ZNF112: variants seen among roughly 807,000 people sequenced by gnomAD.
ZNF112 encodes the protein zinc finger protein 112 (Y14).
ZNF112 carries 37 observed loss-of-function variants against 77.7 expected under a neutral mutation model. The observed-to-expected ratio is 0.48, with a 90% CI of 0.37 to 0.63. The LOEUF (loss-of-function observed/expected upper bound fraction) is 0.63. Ranked by LOEUF, ZNF112 falls within the 20% of genes least tolerant of loss-of-function variation. The probability of loss-of-function intolerance (pLI) is 0.00; values close to 1 mark genes in which losing one functional copy is unlikely to be tolerated. For synonymous variants in ZNF112, 333 were observed against 363.6 expected, an observed-to-expected ratio of 0.92 and a Z score of 0.96; for missense variants, 950 against 1,077.4, an observed-to-expected ratio of 0.88 and a Z score of 1.66.
At chr19:44,366,891 C>A (rs970710864) in intron 1 of ZNF112, among the ~76,000 whole-genome samples, 1 of 152,160 alleles carries the variant, frequency 6.6e-6, no homozygotes, top group African/African-American at 2.4e-5. Context: ...CAGTTTGGTA[C>A]TACTATTCCC....
chr19:44,346,633 T>G (rs1373192696), intron 1 of ZNF112, among the ~76,000 whole-genome samples: 1 of 152,098 alleles, frequency 6.6e-6, no homozygotes, highest in Admixed American at 6.5e-5. Context: ...TTCAGAAAAT[T>G]TGAATATACT....
chr19:44,333,140 T>C (rs1470432293), intron 3 of ZNF112, among the ~76,000 whole-genome samples: 3 of 152,222 alleles, frequency 2.0e-5, no homozygotes, highest in Non-Finnish European at 2.9e-5. Flanking sequence ...AGAAAGTCAA[T>C]GATTCAAGCA....
intron 1 of ZNF112, among the ~76,000 whole-genome samples, chr19:44,361,828 T>A (rs1458390228): frequency 6.6e-6 from 1 of 152,160 alleles, no homozygotes; most frequent in Non-Finnish European, 1.5e-5. Context: ...GTAATAAATA[T>A]GCCACACACA....
chr19:44,339,523 T>C (rs1970449954), intron 2 of ZNF112, among the ~76,000 whole-genome samples: 1 of 152,230 alleles, frequency 6.6e-6, no homozygotes, highest in African/African-American at 2.4e-5. Context: ...TCCTTACGTA[T>C]TGTCATACTT....
Position 44,329,895 on chromosome 19 carries a change from T to C in ZNF112, c.262A>G (p.Thr88Ala), listed in dbSNP as rs551629217. 7.4e-6 allele frequency: 12 copies of C among 1,613,908 alleles called. No homozygotes were observed. In the African/African-American group the frequency reaches 1.6e-4, roughly 22 times the overall value. The change falls in exon 4 of 4, where the codon ACA becomes GCA. Residue 88 changes from threonine to alanine, a missense_variant. Physicochemically the swap from Thr to Ala is moderately conservative, Grantham distance 58. Coordinates refer to ENST00000354340, the MANE Select transcript of ZNF112 (RefSeq NM_013380.4). ...QQKMESIQEV[T>A]VSYFSPKELS... ...TCTTTGGGGGAAAAGTAGCTTACTGTTACTTCCTGAATACTCTCCATCTTT... is the reference window on the plus strand; with the variant it reads ...TCTTTGGGGGAAAAGTAGCTTACTGCTACTTCCTGAATACTCTCCATCTTT...
Position 44,327,837 on chromosome 19 carries a change from C to T in ZNF112, c.2320G>A (p.Glu774Lys). 1 of 1,613,988 alleles carries T rather than the reference C, an allele frequency of 6.2e-7. No individual in the cohort carries two copies. Among genetic ancestry groups the T allele is most frequent in the Non-Finnish European group, 8.5e-7 (1 of 1,179,904 alleles). ...TCACTGAAACCCTTTGTACACACCTCACATTTGTATGGTTTCCCTCCTGTG... is the reference window on the plus strand; with the variant it reads ...TCACTGAAACCCTTTGTACACACCTTACATTTGTATGGTTTCCCTCCTGTG... ...VHTGGKPYKC[E>K]VCTKGFSESS... Residue 774 changes from glutamate to lysine, a missense_variant, in exon 4 of 4, where the codon GAG becomes AAG. By Grantham distance (56) the Glu-to-Lys change is moderately conservative. This residue lies in a region of ZNF112 where 373 missense variants were observed against 482.8 expected (regional missense o/e 0.77). Transcript: ENST00000354340.
At chr19:44,361,138 C>G (rs1970851715), upstream of ZNF112, among the ~76,000 whole-genome samples, 1 of 152,092 alleles carries the variant, frequency 6.6e-6, no homozygotes, top group Non-Finnish European at 1.5e-5. Flanking sequence ...ATTAGACATG[C>G]AAAATTCATC....
rs191370697 is a variant in ZNF112, at chr19:44,356,025, T to C, written c.-4+601A>G. Reference sequence around the variant, plus strand: ...ATCAGAACTCCTGCATGAATTACAATGGACTACCCAGACAGCCAGGAGTGA... The same window carrying C: ...ATCAGAACTCCTGCATGAATTACAACGGACTACCCAGACAGCCAGGAGTGA... On this transcript the variant is annotated intron_variant, in intron 1 of 3. Transcript: ENST00000354340. Among the ~76,000 whole-genome samples, 65 of 152,214 alleles carry C rather than the reference T, an allele frequency of 4.3e-4. 1 individual carries two copies. Among genetic ancestry groups the C allele is most frequent in the Admixed American group, 2.6e-3 (40 of 15,278 alleles).
At chr19:44,341,210 T>C (rs559109710) in intron 1 of ZNF112, 2 of 456,582 alleles carry the variant, frequency 4.4e-6, no homozygotes, top group African/African-American at 4.0e-5. Context: ...ACATTATTAA[T>C]ATTTTCATTA....
intron 1 of ZNF112, among the ~76,000 whole-genome samples, chr19:44,342,071 G>A (rs995181310): frequency 2.6e-5 from 4 of 152,206 alleles, no homozygotes; most frequent in African/African-American, 9.7e-5. Flanking sequence ...GCCATGAATA[G>A]TGTGACAGAT....
chr19:44,348,351 G>A (rs1011567), intron 1 of ZNF112, among the ~76,000 whole-genome samples: 62,251 of 151,770 alleles, frequency 0.41, 14,887 homozygotes, highest in South Asian at 0.58. Context: ...CACAGGTTCC[G>A]AAGGCTCTGC....
intron 1 of ZNF112, among the ~76,000 whole-genome samples, chr19:44,354,285 G>C (rs975557906): frequency 6.6e-6 from 1 of 151,982 alleles, no homozygotes; most frequent in Admixed American, 6.6e-5. Context: ...TTCTGACTAC[G>C]GTAGTCGTTA....
intron 2 of ZNF112, among the ~76,000 whole-genome samples, chr19:44,339,560 C>T (rs1970450608): frequency 6.6e-6 from 1 of 152,224 alleles, no homozygotes; most frequent in South Asian, 2.1e-4. Context: ...GTGCTGTCCA[C>T]AACTCCACGG....
At position 44,328,633 on chromosome 19, in the gene ZNF112, A is replaced by C. The variant is rs1970187923; in HGVS notation, c.1524T>G (p.Asp508Glu). ...TCTGTCCAGTGTGGACTCTCTGATG[A>C]TCTTTAAGTTTTGAGCTCCAGTTGA... ...NGFNWSSKLKDHQRVHTGQKP... is the reference protein window; with the variant it reads ...NGFNWSSKLKEHQRVHTGQKP... Residue 508 changes from aspartate to glutamate, a missense_variant, in exon 4 of 4, where the codon GAT (aspartate) becomes GAG (glutamate). Around this residue, in one of 3 missense-constraint regions of ZNF112, gnomAD observed 560 missense variants for 557.3 expected, o/e 1.00. Transcript: ENST00000354340. 6.2e-7 allele frequency: 1 copy of C among 1,614,034 alleles called. No individual in the cohort carries two copies. The highest frequency in any genetic ancestry group is 8.5e-7 in the Non-Finnish European group (1 of 1,179,998).
rs1379964204 is a variant in ZNF112, at chr19:44,346,163, G to A, written c.-3-5621C>T. Among the ~76,000 whole-genome samples, 7 of 152,150 alleles carry A rather than the reference G, an allele frequency of 4.6e-5. No homozygotes were observed. The South Asian group carries it at 6.2e-4, about 14-fold the overall frequency. On this transcript the variant is annotated intron_variant, in intron 1 of 3. Coordinates refer to ENST00000354340, the MANE Select transcript of ZNF112 (RefSeq NM_013380.4). The stretch of plus-strand genomic sequence containing the variant: ...CCCATTTTGCCAGCCTAATGAAAGC[G>A]GAATGCTTTGGCCAAGAGCCCAGGC...
chr19:44,365,066 A>G (rs1485251079), intron 1 of ZNF112, among the ~76,000 whole-genome samples: 1 of 152,068 alleles, frequency 6.6e-6, no homozygotes, highest in Non-Finnish European at 1.5e-5. Flanking sequence ...TTTACTCTTT[A>G]AATGTTTAGT....
chr19:44,361,068 T>C (rs911583506), upstream of ZNF112, among the ~76,000 whole-genome samples: 8 of 152,192 alleles, frequency 5.3e-5, no homozygotes, highest in African/African-American at 1.7e-4. Context: ...CATAAATATG[T>C]TGAGCAAAAT....
chr19:44,355,385 A>G lies in ZNF112; in HGVS notation c.-4+1241T>C, dbSNP rs188956460. Reference sequence around the variant, plus strand: ...AATCTTTTACAATATGCAATAATTTATATAATCAGAATATGAACTATAAAT... The same window carrying G: ...AATCTTTTACAATATGCAATAATTTGTATAATCAGAATATGAACTATAAAT... On this transcript the variant is annotated intron_variant, in intron 1 of 3. Transcript: ENST00000354340. Among the ~76,000 whole-genome samples, 119 of 152,332 alleles carry G rather than the reference A, an allele frequency of 7.8e-4. 1 individual carries two copies. Among genetic ancestry groups the G allele is most frequent in the African/African-American group, 2.7e-3 (113 of 41,582 alleles).
chr19:44,355,704 G>T (rs1200205026), intron 1 of ZNF112, among the ~76,000 whole-genome samples: 1 of 152,294 alleles, frequency 6.6e-6, no homozygotes, highest in South Asian at 2.1e-4. Flanking sequence ...GAGGATTAAA[G>T]ATGTTAATTC....
Sources: allele counts gnomAD v4.1 joint callset (sites outside exome capture counted in the v4.1 genomes callset), GRCh38; gene constraint gnomAD v4.1.1; regional missense constraint gnomAD v4.1.1; transcripts MANE v1.5; gene names NCBI Gene and HGNC (gene_info 2026-07-23, HGNC 2026-07-21).